DENND1A: variants seen among roughly 807,000 people sequenced by gnomAD.
The protein encoded by DENND1A is DENN domain containing 1A, also known as DENN domain-containing protein 1A.
In DENND1A, 51 loss-of-function variants were observed where a neutral mutation model predicts 113.7. The ratio of observed to expected loss-of-function variants is 0.45; its 90% CI spans 0.36 to 0.57. DENND1A has a LOEUF of 0.57. DENND1A is among the 20% of genes least tolerant of loss of function. The pLI is 0.00. For missense variants in DENND1A, 1,258 were observed against 1,395.9 expected (o/e 0.90, Z 1.57); for synonymous variants, 565 against 570.8 (o/e 0.99, Z 0.14).
intron 11 of DENND1A, among the ~76,000 whole-genome samples, chr9:123,602,485 G>A: frequency 6.6e-6 from 1 of 152,168 alleles, no homozygotes; most frequent in Middle Eastern, 3.2e-3. Context: ...ATCTGCAAGT[G>A]TGAATATCTC....
At chr9:123,612,624 T>G (rs576849966) in intron 10 of DENND1A, among the ~76,000 whole-genome samples, 13 of 152,360 alleles carry the variant, frequency 8.5e-5, no homozygotes, top group African/African-American at 3.1e-4. Context: ...CCACCAAATA[T>G]GGATGTATCA....
At chr9:123,792,491 T>C in intron 3 of DENND1A, 96 bp downstream of exon 3, 1 of 1,317,616 alleles carries the variant, frequency 7.6e-7, no homozygotes, top group Non-Finnish European at 1.1e-6. Flanking sequence ...CTTCTAAAAA[T>C]TCATTTATCT....
intron 5 of DENND1A, among the ~76,000 whole-genome samples, chr9:123,744,138 T>C (rs2069264222): frequency 6.6e-6 from 1 of 152,248 alleles, no homozygotes; most frequent in Admixed American, 6.5e-5. Context: ...CCAGGATAAC[T>C]ACTTCATTAA....
chr9:123,545,615 C>T (rs558626740), intron 13 of DENND1A, among the ~76,000 whole-genome samples: 7 of 152,068 alleles, frequency 4.6e-5, no homozygotes, highest in African/African-American at 1.2e-4. Context: ...TACAGGCGCC[C>T]GCCACCACAC....
Position 123,503,872 on chromosome 9 carries a change from G to A in DENND1A, c.994-45975C>T, listed in dbSNP as rs1383362329. Reference sequence around the variant, plus strand: ...ACTGGGTTAAGCCAAGTTCAGTCTGGGCAATGGCTGAGGGTCCTGTCGGGT... The same window carrying A: ...ACTGGGTTAAGCCAAGTTCAGTCTGAGCAATGGCTGAGGGTCCTGTCGGGT... On this transcript the variant is annotated intron_variant, in intron 13 of 23. Transcript: ENST00000394215. 3.3e-5 allele frequency among the ~76,000 whole-genome samples: 5 copies of A among 152,288 alleles called. No homozygotes were observed. In the East Asian group the frequency reaches 7.7e-4, roughly 24 times the overall value.
At chr9:123,535,854 A>G (rs1197464494) in intron 13 of DENND1A, among the ~76,000 whole-genome samples, 1 of 152,126 alleles carries the variant, frequency 6.6e-6, no homozygotes, top group Non-Finnish European at 1.5e-5. Flanking sequence ...GTCTTCCTCC[A>G]CTAGAATGTA....
Position 123,878,951 on chromosome 9 carries a change from C to G in DENND1A, c.88G>C (p.Asp30His), listed in dbSNP as rs1188368599. ...TATCATAATCAAACATGCAAAGTACCTGAAAGAGTGCCACCTGTCCTGGGA... is the reference window on the plus strand; with the variant it reads ...TATCATAATCAAACATGCAAAGTACGTGAAAGAGTGCCACCTGTCCTGGGA... ...AYPRTGGTLS[D>H]PEVQRQFPED... Residue 30 changes from aspartate (D) to histidine (H), a missense_variant and splice_region_variant, in exon 2 of 24, where the codon GAT (aspartate) becomes CAT (histidine). Asp to His is a moderately conservative substitution (Grantham distance 81, BLOSUM62 -1). Coordinates refer to ENST00000394215, the MANE Select transcript of DENND1A (RefSeq NM_001352964.2). 2 of 1,613,746 alleles carry G rather than the reference C, an allele frequency of 1.2e-6. No homozygotes were observed. Among genetic ancestry groups the G allele is most frequent in the African/African-American group, 2.7e-5 (2 of 74,910 alleles).
chr9:123,603,647 CT>C (rs980793820), intron 11 of DENND1A, among the ~76,000 whole-genome samples: 1 of 152,198 alleles, frequency 6.6e-6, no homozygotes, highest in African/African-American at 2.4e-5. Flanking sequence ...GTCCCTGGGT[CT>C]CACTCCCCCT....
chr9:123,778,931 C>T (rs1178098757), intron 3 of DENND1A, among the ~76,000 whole-genome samples: 1 of 152,070 alleles, frequency 6.6e-6, no homozygotes, highest in Non-Finnish European at 1.5e-5. Flanking sequence ...AAATGCCTAC[C>T]GCATACAAAT....
intron 19 of DENND1A, among the ~76,000 whole-genome samples, chr9:123,438,184 G>T (rs909354555): frequency 1.3e-5 from 2 of 152,106 alleles, no homozygotes; most frequent in Admixed American, 6.5e-5. Context: ...TACTTCTTAC[G>T]GTCAACAGCC....
At chr9:123,473,951 C>T (rs879322271) in intron 13 of DENND1A, among the ~76,000 whole-genome samples, 5 of 150,020 alleles carry the variant, frequency 3.3e-5, no homozygotes, top group Non-Finnish European at 7.4e-5. Context: ...GCTCAGGGTT[C>T]CGCTCTGTAA....
At chr9:123,661,716 G>A (rs1490508149) in intron 8 of DENND1A, among the ~76,000 whole-genome samples, 1 of 152,094 alleles carries the variant, frequency 6.6e-6, no homozygotes, top group Admixed American at 6.5e-5. Context: ...ATGTTGAGCA[G>A]GAAAATAATA....
chr9:123,812,133 T>G (rs1030034592), intron 2 of DENND1A, among the ~76,000 whole-genome samples: 5 of 152,234 alleles, frequency 3.3e-5, no homozygotes, highest in African/African-American at 7.2e-5. Context: ...AGTCTTTCCA[T>G]CCATACTGTT....
At chr9:123,456,431 T>C (rs1304424285) in intron 15 of DENND1A, among the ~76,000 whole-genome samples, 1 of 152,212 alleles carries the variant, frequency 6.6e-6, no homozygotes, top group Non-Finnish European at 1.5e-5. Flanking sequence ...GGGCCTTAGA[T>C]GCCTCCTCTG....
Position 123,630,363 on chromosome 9 carries a change from C to G in DENND1A, c.719+13G>C. 6.3e-7 allele frequency: 1 copy of G among 1,577,818 alleles called. No individual in the cohort carries two copies. The highest frequency in any genetic ancestry group is 1.8e-5 in the Admixed American group (1 of 55,682). ...GGCAAAGGAGAAGCAGAGGACAGGGCCAGCCACCTTACCAGCAGTAGTCCA... is the reference window on the plus strand; with the variant it reads ...GGCAAAGGAGAAGCAGAGGACAGGGGCAGCCACCTTACCAGCAGTAGTCCA... On this transcript the variant is annotated intron_variant, in intron 10 of 23. Transcript: ENST00000394215.
chr9:123,738,430 G>A (rs368970518), intron 5 of DENND1A, among the ~76,000 whole-genome samples: 38 of 143,996 alleles, frequency 2.6e-4, no homozygotes, highest in African/African-American at 6.5e-4. Flanking sequence ...AAAAACTGCC[G>A]TGTCAACAGC....
intron 13 of DENND1A, among the ~76,000 whole-genome samples, chr9:123,549,427 C>A (rs1381573206): frequency 5.9e-5 from 9 of 152,200 alleles, no homozygotes; most frequent in Non-Finnish European, 1.3e-4. Context: ...CACCCTCCCA[C>A]CCATCAAGGG....
At chr9:123,429,187 CAG>C (rs1460549310) in intron 19 of DENND1A, among the ~76,000 whole-genome samples, 1 of 152,178 alleles carries the variant, frequency 6.6e-6, no homozygotes, top group East Asian at 1.9e-4. Flanking sequence ...TGTACAAAAA[CAG>C]ATATAGACCA....
intron 22 of DENND1A, 94 bp downstream of exon 22, chr9:123,387,636 A>G (rs1444300974): frequency 1.1e-5 from 10 of 937,684 alleles, no homozygotes; most frequent in East Asian, 6.3e-5. Flanking sequence ...TCCCCCCGAC[A>G]CAAAGGCAAG....
Sources: gnomAD v4.1 joint callset for allele counts (sites outside exome capture counted in the v4.1 genomes callset) on GRCh38, gnomAD v4.1.1 for gene constraint, MANE v1.5 for transcripts, NCBI Gene and HGNC (gene_info 2026-07-23, HGNC 2026-07-21) for gene names.